NOP14: variants seen among roughly 807,000 people sequenced by gnomAD.
NOP14 encodes the protein NOP14 nucleolar protein, also known as nucleolar protein 14.
A neutral mutation model predicts 101.6 loss-of-function variants in NOP14; 57 were observed. The ratio of observed to expected loss-of-function variants is 0.56; its 90% CI spans 0.45 to 0.70. The LOEUF (loss-of-function observed/expected upper bound fraction) is 0.70, where lower values mean the gene tolerates loss of function less well. NOP14 is among the 30% of genes least tolerant of loss of function. The probability of loss-of-function intolerance (pLI) is 0.00; values close to 1 mark genes in which losing one functional copy is unlikely to be tolerated. For missense variants in NOP14, 1,134 were observed against 1,075.5 expected, an observed-to-expected ratio of 1.05 and a Z score of -0.76; for synonymous variants, 428 against 424.0, an observed-to-expected ratio of 1.01 and a Z score of -0.12.
Position 2,957,609 on chromosome 4 carries a change from C to T in NOP14, c.327G>A (p.Gln109=). ...EKMMKRFALE[Q]QRHHEKKSIY... ...CTCCTCCAGTTTCTTTCCATACCTG[C>T]TGTTCCAGAGCAAACCTCTTCATCA... is the stretch of plus-strand genomic sequence containing the variant. The change falls in exon 2 of 18, where the codon CAG becomes CAA. Residue 109 remains glutamine, a synonymous_variant. Transcript: ENST00000416614. 2.5e-6 allele frequency: 4 copies of T among 1,613,996 alleles called. No individual in the cohort carries two copies. Among genetic ancestry groups the T allele is most frequent in the Non-Finnish European group, 3.4e-6 (4 of 1,179,966 alleles).
chr4:2,955,179 C>T (rs1285840803), intron 3 of NOP14, among the ~76,000 whole-genome samples: 4 of 84,884 alleles, frequency 4.7e-5, no homozygotes, highest in Admixed American at 2.2e-4. Flanking sequence ...CTGCACGCCA[C>T]GGCGCCCCCT....
chr4:2,941,533 G>A, intron 15 of NOP14, 49 bp downstream of exon 15: 2 of 1,582,034 alleles, frequency 1.3e-6, no homozygotes, highest in Non-Finnish European at 1.7e-6. Flanking sequence ...CCCAGCTCAG[G>A]GACATGTCTG....
In NOP14 at chr4:2,957,756, G is replaced by A; in HGVS notation, c.196-16C>T. 1 of 1,610,786 alleles carries A rather than the reference G, an allele frequency of 6.2e-7. No homozygotes were observed. Among genetic ancestry groups the A allele is most frequent in the Non-Finnish European group, 8.5e-7 (1 of 1,178,208 alleles). ...TCTGTGTACGCTGGAAAACAGGTCA[G>A]AAACAATCTCACAAAAAATTCTTGT... On this transcript the variant is annotated splice_polypyrimidine_tract_variant and intron_variant, in intron 1 of 17. Coordinates refer to ENST00000416614, the MANE Select transcript of NOP14 (RefSeq NM_001291978.2).
rs200976539 is a variant in NOP14 at position 2,938,869 on chromosome 4, C to T, written c.2536G>A (p.Glu846Lys). 4.5e-5 allele frequency: 72 copies of T among 1,614,098 alleles called. No individual in the cohort carries two copies. In the East Asian group the frequency reaches 1.1e-3, roughly 24 times the overall value. The change falls in exon 18 of 18, where the codon GAA (glutamate) becomes AAA (lysine). Residue 846 changes from glutamate to lysine, a missense_variant. Glu to Lys is a moderately conservative substitution (Grantham distance 56). Coordinates refer to ENST00000416614, the MANE Select transcript of NOP14 (RefSeq NM_001291978.2). Reference sequence around the variant, plus strand: ...TTTTTCCTCTTCAGAGCCTTCCATTCGCCTTCCTGTGTAGCCAGGCTGTTA... The same window carrying T: ...TTTTTCCTCTTCAGAGCCTTCCATTTGCCTTCCTGTGTAGCCAGGCTGTTA... ...LFNSLATQEG[E>K]WKALKRKKFK... is the part of the protein sequence containing the mutation.
intron 13 of NOP14, 41 bp downstream of exon 13, chr4:2,944,032 A>T (rs780738148): frequency 3.3e-6 from 5 of 1,535,742 alleles, no homozygotes; most frequent in Non-Finnish European, 4.4e-6. Context: ...AAAATTCTAA[A>T]GTATAACATA....
At position 2,956,685 on chromosome 4, in the gene NOP14, G is replaced by C; in HGVS notation, c.457C>G (p.Arg153Gly). 1 of 1,612,390 alleles carries C rather than the reference G, an allele frequency of 6.2e-7. No homozygotes were observed. The highest frequency in any genetic ancestry group is 8.5e-7 in the Non-Finnish European group (1 of 1,179,564). The change falls in exon 3 of 18, where the codon CGA becomes GGA. Residue 153 changes from arginine (R) to glycine (G), a missense_variant. Transcript: ENST00000416614. The stretch of plus-strand genomic sequence containing the variant: ...CCAGCCTCACCAGACAACGTTCCTC[G>C]ATCCTCAGCATCGCTGTCACTGTCC... ...IVDSDSDAEDRGTLSAELTAA... is the reference protein window; with the variant it reads ...IVDSDSDAEDGGTLSAELTAA...
rs148382749 is a variant in NOP14, at chr4:2,939,269, C to T, written c.2393G>A (p.Arg798His). The T allele has an allele frequency of 8.2e-5, 132 of 1,613,928 alleles. No homozygotes were observed. Among genetic ancestry groups the T allele is most frequent in the Non-Finnish European group, 1.1e-4 (124 of 1,180,048 alleles). The change falls in exon 17 of 18, where the codon CGT becomes CAT. Residue 798 changes from arginine to histidine, a missense_variant. By Grantham distance (29) the Arg-to-His change is conservative. Transcript: ENST00000416614. ...TTCTCGAACGGCCCCTTTAAATTCA[C>T]GCTTGTGTTTGTGGATCAGCCTCTT... The part of the protein sequence containing the change: ...ERKRLIHKHK[R>H]EFKGAVREIR...
intron 7 of NOP14, chr4:2,950,601 C>CGGTGGTCGCCGTATCATTAAAAAAA: frequency 8.2e-6 from 2 of 243,198 alleles, no homozygotes; most frequent in South Asian, 7.0e-5. Flanking sequence ...GTGTGGATCT[C>CGGTGGTCGCCGTATCATTAAAAAAA]TTCTGCTTGA....
At chr4:2,955,088 GCGCCACGGCGCCCCCTCTAGT>G in intron 3 of NOP14, among the ~76,000 whole-genome samples, 1 of 138,220 alleles carries the variant, frequency 7.2e-6, no homozygotes, top group Non-Finnish European at 1.6e-5. Flanking sequence ...CTAGTCACCT[GCGCCACGGCGCCCCCTCTAGT>G]CACCTGCGCC....
At position 2,956,684 on chromosome 4, in the gene NOP14, C is replaced by T. The variant is rs777231743; in HGVS notation, c.458G>A (p.Arg153Gln). 8.1e-6 allele frequency: 13 copies of T among 1,612,442 alleles called. No homozygotes were observed. The highest frequency in any genetic ancestry group is 2.2e-5 in the East Asian group (1 of 44,892). Residue 153 changes from arginine to glutamine, a missense_variant, in exon 3 of 18, where the codon CGA (arginine) becomes CAA (glutamine). Transcript: ENST00000416614. ...IVDSDSDAED[R>Q]GTLSAELTAA... Reference sequence around the variant, plus strand: ...CCCAGCCTCACCAGACAACGTTCCTCGATCCTCAGCATCGCTGTCACTGTC... The same window carrying T: ...CCCAGCCTCACCAGACAACGTTCCTTGATCCTCAGCATCGCTGTCACTGTC...
rs530879440 is a variant in NOP14 at position 2,956,573 on chromosome 4, A to C, written c.472+97T>G. 4.0e-5 allele frequency: 48 copies of C among 1,200,818 alleles called. No homozygotes were observed. The South Asian group carries it at 8.6e-4, about 22-fold the overall frequency. 74.4% of individuals were successfully genotyped at this position (1,200,818 alleles called of 1,614,324 possible). ...TGATCAGTAAAACTTTCATGCAATAACTTTCTCTAGTCTCTAAGAAGAGCA... is the reference window on the plus strand; with the variant it reads ...TGATCAGTAAAACTTTCATGCAATACCTTTCTCTAGTCTCTAAGAAGAGCA... On this transcript the variant is annotated intron_variant, in intron 3 of 17. Transcript: ENST00000416614.
intron 5 of NOP14, 95 bp downstream of exon 5, chr4:2,953,416 G>C: frequency 7.3e-7 from 1 of 1,367,796 alleles, no homozygotes; most frequent in Non-Finnish European, 1.0e-6. Context: ...AAAGGAGACA[G>C]GTAGAAGAGC....
chr4:2,940,941 G>A (rs1055244530), intron 15 of NOP14: 17 of 153,224 alleles, frequency 1.1e-4, no homozygotes, highest in South Asian at 6.1e-4. Context: ...GGGTAGCTGC[G>A]GAGATGGCAC....
chr4:2,947,072 G>C (rs1188470509), intron 10 of NOP14: 1 of 230,566 alleles, frequency 4.3e-6, no homozygotes, highest in South Asian at 6.0e-5. Context: ...CAGCCTTAGA[G>C]GGCAACGAGG....
intron 6 of NOP14, among the ~76,000 whole-genome samples, chr4:2,951,669 C>G (rs933526927): frequency 6.6e-6 from 1 of 152,164 alleles, no homozygotes; most frequent in African/African-American, 2.4e-5. Context: ...TATGTCAAAA[C>G]AGCCAGCTGA....
In NOP14 at chr4:2,952,493, G is replaced by A. The variant is rs1715095289; in HGVS notation, c.748-96C>T. ...TAGCTTCCTGGCACATTCTAGTAAT[G>A]GCTAGATAATGTTATTGAAGTAGCT... On this transcript the variant is annotated intron_variant, in intron 5 of 17. Coordinates refer to ENST00000416614, the MANE Select transcript of NOP14 (RefSeq NM_001291978.2). 5 of 1,125,850 alleles carry A rather than the reference G, an allele frequency of 4.4e-6. No individual in the cohort carries two copies. In the South Asian group the frequency reaches 9.3e-5, roughly 21 times the overall value. 69.7% of individuals were successfully genotyped at this position (1,125,850 alleles called of 1,614,324 possible).
intron 11 of NOP14, among the ~76,000 whole-genome samples, chr4:2,945,989 G>A (rs571428320): frequency 1.1e-4 from 7 of 61,418 alleles, no homozygotes; most frequent in African/African-American, 5.1e-4. Context: ...TCTCACTCCA[G>A]ATCACCCTCA....
intron 9 of NOP14, 91 bp from the exon 10 acceptor site, chr4:2,947,702 G>T (rs1373229237): frequency 5.6e-6 from 6 of 1,074,960 alleles, no homozygotes; most frequent in African/African-American, 1.6e-5. Flanking sequence ...GTACATTCTG[G>T]TGACAACCAG....
rs1210988099 is a variant in NOP14, at chr4:2,946,558, G to C, written c.1500-11C>G. The C allele has an allele frequency of 6.2e-7, 1 of 1,613,730 alleles. No homozygotes were observed. Among genetic ancestry groups the C allele is most frequent in the East Asian group, 2.2e-5 (1 of 44,892 alleles). ...AGATGATATAAGTGCCTGTTAAGCAGAAATGTAAAGTCAGGAGAGAATGAC... is the reference window on the plus strand; with the variant it reads ...AGATGATATAAGTGCCTGTTAAGCACAAATGTAAAGTCAGGAGAGAATGAC... On this transcript the variant is annotated splice_polypyrimidine_tract_variant and intron_variant, in intron 10 of 17. Coordinates refer to ENST00000416614, the MANE Select transcript of NOP14 (RefSeq NM_001291978.2).
Sources: allele counts gnomAD v4.1 joint callset (sites outside exome capture counted in the v4.1 genomes callset), GRCh38; gene constraint gnomAD v4.1.1; transcripts MANE v1.5; gene names NCBI Gene and HGNC (gene_info 2026-07-23, HGNC 2026-07-21).